The following SPTBN1 variants were observed in gnomAD, a reference collection of about 807,000 sequenced individuals.
SPTBN1 encodes spectrin beta, non-erythrocytic 1.
A neutral mutation model predicts 266.4 loss-of-function variants in SPTBN1; 32 were observed. That is an observed-to-expected ratio of 0.12 (90% confidence interval 0.09 to 0.16). The LOEUF is 0.16. Ranked by LOEUF, SPTBN1 falls within the 10% of genes least tolerant of loss-of-function variation. SPTBN1 has a pLI of 1.00. For missense variants in SPTBN1, 2,296 were observed against 3,067.1 expected (o/e 0.75, Z 5.94); for synonymous variants, 1,336 against 1,162.2 (o/e 1.15, Z -3.04).
intron 1 of SPTBN1, among the ~76,000 whole-genome samples, chr2:54,489,150 T>A (rs1668559009): frequency 1.1e-5 from 1 of 91,692 alleles, no homozygotes; most frequent in African/African-American, 4.0e-5. Flanking sequence ...TGGTCTGTAT[T>A]TAAAAAAAAA....
At chr2:54,624,675 G>A in intron 10 of SPTBN1, 129 bp from the exon 11 acceptor site, 1 of 1,344,760 alleles carries the variant, frequency 7.4e-7, no homozygotes, top group Non-Finnish European at 1.0e-6. Flanking sequence ...AGTGAGAGTG[G>A]GAATGGGATT....
intron 2 of SPTBN1, among the ~76,000 whole-genome samples, chr2:54,548,507 G>A (rs2104422485): frequency 6.6e-6 from 1 of 152,344 alleles, no homozygotes; most frequent in Admixed American, 6.5e-5. Context: ...GTGGGGAAAG[G>A]ACATTAAGGT....
chr2:54,529,851 CCAAAAAAAAAAAAA>C, intron 2 of SPTBN1: 1 of 59,524 alleles, frequency 1.7e-5, no homozygotes, highest in Non-Finnish European at 2.8e-5. Context: ...TCTCTTTTCA[CCAAAAAAAAAAAAA>C]AAAAAAAAAA....
chr2:54,561,542 C>T (rs941568705), intron 2 of SPTBN1, among the ~76,000 whole-genome samples: 12 of 152,180 alleles, frequency 7.9e-5, no homozygotes, highest in African/African-American at 2.4e-4. Flanking sequence ...TTTCAAGTTA[C>T]TTTCCACACT....
intron 2 of SPTBN1, among the ~76,000 whole-genome samples, chr2:54,545,174 C>G (rs756547036): frequency 2.0e-5 from 3 of 152,278 alleles, no homozygotes; most frequent in Non-Finnish European, 2.9e-5. Context: ...TCCAATGTAT[C>G]ATTAATGGGC....
At chr2:54,560,424 C>G (rs953431433) in intron 2 of SPTBN1, among the ~76,000 whole-genome samples, 1 of 152,096 alleles carries the variant, frequency 6.6e-6, no homozygotes, top group African/African-American at 2.4e-5. Flanking sequence ...GAGTGCACCC[C>G]TAGGCCCACC....
intron 1 of SPTBN1, among the ~76,000 whole-genome samples, chr2:54,471,798 CG>C (rs1693932332): frequency 2.4e-5 from 1 of 41,212 alleles, no homozygotes; most frequent in Non-Finnish European, 4.0e-5. Context: ...TCTTTTTTAT[CG>C]ATTTTTTTTT....
intron 2 of SPTBN1, among the ~76,000 whole-genome samples, chr2:54,588,730 G>C (rs1316286732): frequency 1.3e-5 from 2 of 152,212 alleles, no homozygotes; most frequent in Non-Finnish European, 2.9e-5. Context: ...TAGAGATGGA[G>C]AGTAGCAGGT....
In SPTBN1 at chr2:54,533,268, G is replaced by A. The variant is rs1321922197; in HGVS notation, c.148+6702G>A. The stretch of plus-strand genomic sequence containing the variant: ...AACGTATGAATTGCCTATTTCTTCA[G>A]TTTTTCATTTCATATTTCCAGACCA... On this transcript the variant is annotated intron_variant, in intron 2 of 35. Coordinates refer to ENST00000356805, the MANE Select transcript of SPTBN1 (RefSeq NM_003128.3). This position sits in a 1 kb window ranked among gnomAD's most constrained non-coding sequence, Gnocchi z 4.2. Among the ~76,000 whole-genome samples, 1 of 151,598 alleles carries A rather than the reference G, an allele frequency of 6.6e-6. No homozygotes were observed. Among genetic ancestry groups the A allele is most frequent in the African/African-American group, 2.4e-5 (1 of 41,210 alleles).
Position 54,578,103 on chromosome 2 carries a change from TC to T in SPTBN1, c.149-20986del, listed in dbSNP as rs1369593973. Among the ~76,000 whole-genome samples, 3 of 152,330 alleles carry T rather than the reference TC, an allele frequency of 2.0e-5. No homozygotes were observed. The South Asian group carries it at 6.2e-4, about 32-fold the overall frequency. On this transcript the variant is annotated intron_variant, in intron 2 of 35. Transcript: ENST00000356805. ...GTACAGACTCTCTTGATCTGTATTTTCCCAGTATATGAAATTATTTGTAATG... is the reference window on the plus strand; with the variant it reads ...GTACAGACTCTCTTGATCTGTATTTTCCAGTATATGAAATTATTTGTAATG...
intron 32 of SPTBN1, chr2:54,661,564 C>G (rs1256718744): frequency 2.4e-5 from 24 of 985,712 alleles, no homozygotes; most frequent in Non-Finnish European, 2.8e-5. Flanking sequence ...TTCTTATGTT[C>G]TGGGGGTAGT....
At chr2:54,661,183 G>C (rs1681017756) in intron 32 of SPTBN1, 3 of 985,344 alleles carry the variant, frequency 3.0e-6, no homozygotes, top group Non-Finnish European at 3.6e-6. Context: ...TTTTAGGATG[G>C]TATCTATCAG....
chr2:54,616,414 T>C (rs1180094977), intron 5 of SPTBN1, 116 bp downstream of exon 5: 2 of 802,392 alleles, frequency 2.5e-6, no homozygotes, highest in Admixed American at 2.7e-5. Context: ...TGGGAAGTCT[T>C]GTTAACTCGC....
intron 1 of SPTBN1, among the ~76,000 whole-genome samples, chr2:54,499,610 G>A (rs1036157824): frequency 8.5e-5 from 13 of 152,126 alleles, no homozygotes; most frequent in African/African-American, 1.9e-4. Flanking sequence ...AAGAAAAACC[G>A]TTTCACAGTT....
At chr2:54,612,707 A>G (rs571943918) in intron 4 of SPTBN1, among the ~76,000 whole-genome samples, 1 of 152,280 alleles carries the variant, frequency 6.6e-6, no homozygotes, top group Non-Finnish European at 1.5e-5. Flanking sequence ...CTAGGTTATT[A>G]GCTTAGACTG....
chr2:54,512,066 C>T lies in SPTBN1; in HGVS notation c.-47-14306C>T, dbSNP rs371691003. On this transcript the variant is annotated intron_variant, in intron 1 of 35. Transcript: ENST00000356805. ...TGTGCAGTTCACAGTAGGGTTTGCG[C>T]TCCTATGAGGCTGTAATGCCACCAT... 1.2e-4 allele frequency among the ~76,000 whole-genome samples: 19 copies of T among 152,062 alleles called. No homozygotes were observed. In the East Asian group the frequency reaches 1.7e-3, roughly 14 times the overall value.
intron 1 of SPTBN1, among the ~76,000 whole-genome samples, chr2:54,495,414 C>T (rs1315761796): frequency 1.3e-5 from 2 of 152,180 alleles, no homozygotes; most frequent in Admixed American, 1.3e-4. Flanking sequence ...TCCAAGAGGG[C>T]TCTGTCTTGC....
At chr2:54,536,889 T>C (rs1671638575) in intron 2 of SPTBN1, among the ~76,000 whole-genome samples, 1 of 151,856 alleles carries the variant, frequency 6.6e-6, no homozygotes, top group East Asian at 1.9e-4. Flanking sequence ...AAAAATTAGC[T>C]GAACACAGTG....
At chr2:54,456,864 G>T (rs1308021764) in intron 1 of SPTBN1, among the ~76,000 whole-genome samples, 1 of 151,524 alleles carries the variant, frequency 6.6e-6, no homozygotes, top group Non-Finnish European at 1.5e-5. Context: ...TGCCTCCGCC[G>T]GCGCCTCCCT....
Sources: gnomAD v4.1 joint callset for allele counts (sites outside exome capture counted in the v4.1 genomes callset) on GRCh38, gnomAD v4.1.1 for gene constraint, Gnocchi (gnomAD v3.1) non-coding constraint, MANE v1.5 for transcripts, NCBI Gene and HGNC (gene_info 2026-07-23, HGNC 2026-07-21) for gene names.